Variants in ERBIN observed in about 807,000 individuals in gnomAD.
ERBIN encodes the protein densin-180-like protein.
Under a neutral mutation model 158.4 loss-of-function variants are expected in ERBIN, and 60 were observed. The observed-to-expected ratio is 0.38, with a 90% CI of 0.31 to 0.47. The LOEUF (loss-of-function observed/expected upper bound fraction) is 0.47. ERBIN is among the 20% of genes least tolerant of loss of function. ERBIN has a pLI of 0.99. For missense variants in ERBIN, 1,610 were observed against 1,648.0 expected, an observed-to-expected ratio of 0.98 and a Z score of 0.40; for synonymous variants, 594 against 557.2, an observed-to-expected ratio of 1.07 and a Z score of -0.93.
intron 1 of ERBIN, among the ~76,000 whole-genome samples, chr5:65,935,342 A>G (rs1743946893): frequency 6.6e-6 from 1 of 151,924 alleles, no homozygotes; most frequent in South Asian, 2.1e-4. Context: ...CACCAGGTTC[A>G]CTCTAAGTTG....
Position 66,081,215 on chromosome 5 carries a change from G to A in ERBIN, c.*2685G>A, listed in dbSNP as rs1762370570. 6.6e-6 allele frequency: 1 copy of A among 151,796 alleles called. No homozygotes were observed. Among genetic ancestry groups the A allele is most frequent in the South Asian group, 2.1e-4 (1 of 4,808 alleles). The allele number at this position is 151,796 out of a possible 1,614,324, so 9.4% of individuals were successfully genotyped here. On this transcript the variant is annotated 3_prime_UTR_variant, in exon 26 of 26. Transcript: ENST00000284037. ...AATACTGATCAGAGTAATTTATACG[G>A]CATACAATAGTTGATACAATCTAAA...
intron 10 of ERBIN, 104 bp downstream of exon 10, chr5:66,024,554 A>T: frequency 9.0e-7 from 1 of 1,106,676 alleles, no homozygotes; most frequent in Non-Finnish European, 1.3e-6. Flanking sequence ...CTTCGTTACC[A>T]CAGGAACGGA....
chr5:65,933,770 A>G (rs1743735926), intron 1 of ERBIN, among the ~76,000 whole-genome samples: 1 of 152,156 alleles, frequency 6.6e-6, no homozygotes, highest in Non-Finnish European at 1.5e-5. Context: ...CCAGGTTTTC[A>G]GCACTGCTAT....
intron 21 of ERBIN, chr5:66,055,193 A>G (rs1385604272): frequency 1.1e-6 from 1 of 943,366 alleles, no homozygotes; most frequent in African/African-American, 1.7e-5. Flanking sequence ...TTATATGTTT[A>G]TGTGTCTGTC....
At chr5:66,027,496 C>A (rs771944339) in intron 13 of ERBIN, among the ~76,000 whole-genome samples, 8 of 151,902 alleles carry the variant, frequency 5.3e-5, no homozygotes, top group Admixed American at 5.2e-4. Context: ...AGTGTGGATT[C>A]AAACAACTTC....
intron 4 of ERBIN, among the ~76,000 whole-genome samples, chr5:65,998,486 C>T (rs1752682226): frequency 6.6e-6 from 1 of 151,364 alleles, no homozygotes; most frequent in Admixed American, 6.6e-5. Flanking sequence ...TTTATTTTAC[C>T]TTTTGTTATT....
chr5:66,002,485 C>T (rs991876415), intron 4 of ERBIN, among the ~76,000 whole-genome samples: 3 of 152,018 alleles, frequency 2.0e-5, no homozygotes, highest in South Asian at 2.1e-4. Flanking sequence ...AAAGAAAAAC[C>T]GTGTAGCTAT....
At chr5:65,939,049 C>T (rs1171891955) in intron 1 of ERBIN, among the ~76,000 whole-genome samples, 1 of 152,158 alleles carries the variant, frequency 6.6e-6, no homozygotes, top group Non-Finnish European at 1.5e-5. Flanking sequence ...AGTAATAGAG[C>T]TGGCCCGCTT....
intron 1 of ERBIN, among the ~76,000 whole-genome samples, chr5:65,972,201 C>G (rs1477292211): frequency 2.0e-5 from 3 of 152,104 alleles, no homozygotes; most frequent in Admixed American, 6.6e-5. Context: ...GTCTCTCACC[C>G]TTGGGCCATG....
At position 66,050,831 on chromosome 5, in the gene ERBIN, G is replaced by A. The variant is rs1758944978; in HGVS notation, c.1952G>A (p.Ser651Asn). The change falls in exon 20 of 26, where the codon AGC becomes AAC. Residue 651 changes from serine to asparagine, a missense_variant. Transcript: ENST00000284037. ...DSLSDEVTHNSNQNNSNCSSP... is the reference protein window; with the variant it reads ...DSLSDEVTHNNNQNNSNCSSP... ...TTATCAGATGAAGTTACACACAATA[G>A]CAATCAGAATAACAGCAATTGTTCT... 1 of 1,594,076 alleles carries A rather than the reference G, an allele frequency of 6.3e-7. No homozygotes were observed. Among genetic ancestry groups the A allele is most frequent in the East Asian group, 2.3e-5 (1 of 43,788 alleles).
chr5:66,047,714 A>G (rs1259496362), intron 18 of ERBIN, among the ~76,000 whole-genome samples: 1 of 152,052 alleles, frequency 6.6e-6, no homozygotes, highest in East Asian at 1.9e-4. Flanking sequence ...GCTGTCATTT[A>G]CAACAGGAAT....
chr5:66,018,000 A>G (rs1754977211), intron 7 of ERBIN, among the ~76,000 whole-genome samples: 1 of 151,946 alleles, frequency 6.6e-6, no homozygotes, highest in Non-Finnish European at 1.5e-5. Context: ...CTGTAAATGC[A>G]TGGATTTATG....
intron 1 of ERBIN, among the ~76,000 whole-genome samples, chr5:65,972,032 A>G (rs757548605): frequency 2.6e-5 from 4 of 152,076 alleles, no homozygotes; most frequent in Non-Finnish European, 1.5e-5. Context: ...TAAAATTTGT[A>G]CAAAGGTGCT....
intron 1 of ERBIN, among the ~76,000 whole-genome samples, chr5:65,965,382 GTTT>G (rs200847060): frequency 1.0e-5 from 1 of 96,060 alleles, no homozygotes; most frequent in African/African-American, 4.1e-5. Flanking sequence ...GTTTTTTGTT[GTTT>G]TTTTTTTTTT....
intron 1 of ERBIN, among the ~76,000 whole-genome samples, chr5:65,939,695 C>T (rs1314089574): frequency 4.6e-5 from 7 of 152,242 alleles, no homozygotes; most frequent in South Asian, 2.1e-4. Flanking sequence ...TGCAGGCGTG[C>T]GCCACCACGC....
Position 66,050,888 on chromosome 5 carries a change from T to C in ERBIN, c.2009T>C (p.Leu670Pro), listed in dbSNP as rs761397202. ...SPSRMSDSVS[L>P]NTDSSQDTSL... ...TCTCGGATGTCTGATTCAGTTTCTC[T>C]TAATACTGATAGTAGTCAAGACACC... The change falls in exon 20 of 26, where the codon CTT becomes CCT. Residue 670 changes from leucine to proline, a missense_variant. By Grantham distance (98) the Leu-to-Pro change is moderately conservative. Around this residue, in one of 2 missense-constraint regions of ERBIN, gnomAD observed 1,014 missense variants for 936.1 expected, o/e 1.08. Coordinates refer to ENST00000284037, the MANE Select transcript of ERBIN (RefSeq NM_001253697.2). The C allele has an allele frequency of 6.2e-7, 1 of 1,606,654 alleles. No homozygotes were observed. Among genetic ancestry groups the C allele is most frequent in the South Asian group, 1.1e-5 (1 of 89,642 alleles).
intron 1 of ERBIN, among the ~76,000 whole-genome samples, chr5:65,940,340 C>T (rs1312162660): frequency 2.7e-5 from 4 of 148,770 alleles, no homozygotes; most frequent in African/African-American, 5.1e-5. Flanking sequence ...GTGAGGAGCC[C>T]CTCCGCCCGG....
At chr5:66,023,512 A>G in intron 9 of ERBIN, 148 bp downstream of exon 9, 1 of 503,802 alleles carries the variant, frequency 2.0e-6, no homozygotes, top group Non-Finnish European at 3.5e-6. Context: ...TTTCATGAGC[A>G]CATTCTTGAT....
chr5:66,003,232 G>A (rs1277106809), intron 4 of ERBIN, among the ~76,000 whole-genome samples: 2 of 152,142 alleles, frequency 1.3e-5, no homozygotes, highest in African/African-American at 4.8e-5. Context: ...CTGGGACAGT[G>A]GGATGTTGAC....
Sources: allele counts gnomAD v4.1 joint callset (sites outside exome capture counted in the v4.1 genomes callset), GRCh38; gene constraint gnomAD v4.1.1; regional missense constraint gnomAD v4.1.1; transcripts MANE v1.5; gene names NCBI Gene and HGNC (gene_info 2026-07-23, HGNC 2026-07-21).